CNTNAP2: variants seen among roughly 807,000 people sequenced by gnomAD.
The protein encoded by CNTNAP2 is contactin-associated protein-like 2.
In CNTNAP2, 98 loss-of-function variants were observed where a neutral mutation model predicts 155.2. The observed-to-expected ratio is 0.63, with a 90% CI of 0.54 to 0.75. CNTNAP2 has a LOEUF of 0.75. CNTNAP2 is among the 30% of genes least tolerant of loss of function. The pLI, the probability that CNTNAP2 is intolerant of heterozygous loss-of-function variation, is 0.00. For missense variants in CNTNAP2, 1,727 were observed against 1,688.1 expected (o/e 1.02, Z -0.40); for synonymous variants, 651 against 631.2 (o/e 1.03, Z -0.47).
At chr7:146,246,955 A>C (rs930168862) in intron 1 of CNTNAP2, among the ~76,000 whole-genome samples, 1 of 152,178 alleles carries the variant, frequency 6.6e-6, no homozygotes, top group Non-Finnish European at 1.5e-5. Flanking sequence ...AGTGGAGGCA[A>C]GGAATTGCAA....
chr7:147,400,734 G>A (rs890404623), intron 10 of CNTNAP2, among the ~76,000 whole-genome samples: 1 of 152,094 alleles, frequency 6.6e-6, no homozygotes, highest in Non-Finnish European at 1.5e-5. Context: ...TGATACAGTT[G>A]CCCCTCTTGC....
chr7:147,871,067 C>T (rs2116701349), intron 13 of CNTNAP2, among the ~76,000 whole-genome samples: 1 of 152,290 alleles, frequency 6.6e-6, no homozygotes, highest in South Asian at 2.1e-4. Context: ...CCCATGAACT[C>T]AGACCAACCA....
chr7:147,757,482 C>A (rs143821786), intron 13 of CNTNAP2, among the ~76,000 whole-genome samples: 5 of 152,236 alleles, frequency 3.3e-5, no homozygotes, highest in Non-Finnish European at 4.4e-5. Flanking sequence ...TGCTTCATGG[C>A]CTGTCCTAAA....
At chr7:148,384,379 A>C (rs1003483711) in intron 22 of CNTNAP2, among the ~76,000 whole-genome samples, 6 of 152,242 alleles carry the variant, frequency 3.9e-5, no homozygotes, top group African/African-American at 1.4e-4. Context: ...CTGTGGATTT[A>C]GTCCCACTTC....
chr7:147,904,773 T>C (rs566720887), intron 14 of CNTNAP2, among the ~76,000 whole-genome samples: 1 of 152,374 alleles, frequency 6.6e-6, no homozygotes, highest in East Asian at 1.9e-4. Context: ...TCTATTTCAA[T>C]GGCTTAGAAT....
intron 4 of CNTNAP2, among the ~76,000 whole-genome samples, chr7:147,101,719 C>G (rs1563077058): frequency 6.6e-6 from 1 of 152,054 alleles, no homozygotes; most frequent in Admixed American, 6.5e-5. Context: ...CGGCCATTCT[C>G]CTATCTGACT....
chr7:147,216,681 A>G (rs1459474948), intron 8 of CNTNAP2, among the ~76,000 whole-genome samples: 1 of 151,986 alleles, frequency 6.6e-6, no homozygotes, highest in East Asian at 1.9e-4. Context: ...GCATCCCCAT[A>G]TAAACTCTAG....
intron 14 of CNTNAP2, among the ~76,000 whole-genome samples, chr7:147,949,116 G>A (rs997557897): frequency 6.6e-6 from 1 of 151,620 alleles, no homozygotes; most frequent in Non-Finnish European, 1.5e-5. Flanking sequence ...CAGGAGAATC[G>A]CTTGAACCCA....
At chr7:147,831,277 C>T (rs1025150431) in intron 13 of CNTNAP2, among the ~76,000 whole-genome samples, 1 of 152,174 alleles carries the variant, frequency 6.6e-6, no homozygotes, top group Non-Finnish European at 1.5e-5. Context: ...TAATAATCCC[C>T]AAGTACGCCT....
chr7:146,604,145 A>C, intron 1 of CNTNAP2, among the ~76,000 whole-genome samples: 1 of 70,400 alleles, frequency 1.4e-5, no homozygotes, highest in Non-Finnish European at 2.8e-5. Flanking sequence ...CAACCTACAA[A>C]ATGGGAGAAA....
At chr7:147,781,582 A>G (rs986012787) in intron 13 of CNTNAP2, among the ~76,000 whole-genome samples, 1 of 152,234 alleles carries the variant, frequency 6.6e-6, no homozygotes, top group Non-Finnish European at 1.5e-5. Context: ...TCTATACTTA[A>G]TGAATGACTT....
chr7:148,017,238 G>C (rs571128225), intron 15 of CNTNAP2, among the ~76,000 whole-genome samples: 31 of 152,244 alleles, frequency 2.0e-4, no homozygotes, highest in African/African-American at 7.2e-4. Context: ...TCCAAAATCT[G>C]TCAAAATGTT....
At chr7:146,541,293 T>C (rs1000758691) in intron 1 of CNTNAP2, among the ~76,000 whole-genome samples, 28 of 152,044 alleles carry the variant, frequency 1.8e-4, no homozygotes, top group African/African-American at 6.8e-4. Context: ...AACAGTATGT[T>C]GCTCTCCCTA....
intron 17 of CNTNAP2, among the ~76,000 whole-genome samples, chr7:148,149,155 T>C (rs1461488493): frequency 6.6e-6 from 1 of 152,218 alleles, no homozygotes; most frequent in African/African-American, 2.4e-5. Context: ...ACTTCTCGTT[T>C]TTTTGACCCT....
At chr7:147,978,730 T>C (rs1218268463) in intron 15 of CNTNAP2, among the ~76,000 whole-genome samples, 1 of 152,090 alleles carries the variant, frequency 6.6e-6, no homozygotes, top group Admixed American at 6.5e-5. Context: ...TGGGCATCGT[T>C]TTCTCTCTTC....
intron 18 of CNTNAP2, among the ~76,000 whole-genome samples, chr7:148,184,129 T>C (rs1795080641): frequency 6.6e-6 from 1 of 152,142 alleles, no homozygotes; most frequent in African/African-American, 2.4e-5. Flanking sequence ...ACTTCAAAGA[T>C]AGATCAACAA....
At chr7:147,103,704 A>G (rs900579571) in intron 4 of CNTNAP2, among the ~76,000 whole-genome samples, 20 of 151,840 alleles carry the variant, frequency 1.3e-4, no homozygotes, top group African/African-American at 4.8e-4. Flanking sequence ...TTTTCTCTAA[A>G]AATCTATATA....
intron 1 of CNTNAP2, among the ~76,000 whole-genome samples, chr7:146,289,656 G>A (rs1345616939): frequency 1.3e-5 from 2 of 152,080 alleles, no homozygotes; most frequent in Admixed American, 6.6e-5. Context: ...TTCAGCAAAC[G>A]ACCATTTATA....
chr7:147,067,773 A>G (rs1019063602), intron 4 of CNTNAP2, among the ~76,000 whole-genome samples: 4 of 152,224 alleles, frequency 2.6e-5, no homozygotes, highest in African/African-American at 9.6e-5. Flanking sequence ...CATTCTGTTG[A>G]GTATCTTATG....
Sources: gnomAD v4.1 joint callset for allele counts (sites outside exome capture counted in the v4.1 genomes callset) on GRCh38, gnomAD v4.1.1 for gene constraint, MANE v1.5 for transcripts, NCBI Gene and HGNC (gene_info 2026-07-23, HGNC 2026-07-21) for gene names.